The following ARHGAP1 variants were observed in gnomAD, a reference collection of about 807,000 sequenced individuals.
ARHGAP1 encodes the protein Rho GTPase activating protein 1, also known as rho GTPase-activating protein 1.
ARHGAP1 carries 23 observed loss-of-function variants against 52.2 expected under a neutral mutation model. The ratio of observed to expected loss-of-function variants is 0.44; its 90% CI spans 0.32 to 0.62. The LOEUF is 0.62. Among genes scored for constraint, ARHGAP1 ranks in the 20% least tolerant of loss-of-function variants. The pLI is 0.05. For missense variants in ARHGAP1, 480 were observed against 560.9 expected, an observed-to-expected ratio of 0.86 and a Z score of 1.46; for synonymous variants, 210 against 228.4, an observed-to-expected ratio of 0.92 and a Z score of 0.73.
At chr11:46,693,407 CT>C (rs11418068) in intron 3 of ARHGAP1, among the ~76,000 whole-genome samples, 2 of 145,602 alleles carry the variant, frequency 1.4e-5, no homozygotes, top group Admixed American at 6.9e-5. Flanking sequence ...AGACTGTAAT[CT>C]TTTTTTTTTT....
chr11:46,698,555 C>A (rs569736111), intron 1 of ARHGAP1, among the ~76,000 whole-genome samples: 1 of 150,144 alleles, frequency 6.7e-6, no homozygotes, highest in Admixed American at 6.7e-5. Context: ...TTGCAGTGAG[C>A]TGAGATCAAG....
intron 3 of ARHGAP1, 102 bp downstream of exon 3, chr11:46,695,558 A>G: frequency 2.4e-6 from 3 of 1,247,388 alleles, no homozygotes; most frequent in African/African-American, 1.5e-5. Flanking sequence ...CACCAGGGCC[A>G]GCGGTCAGAC....
rs932854280 is a variant in ARHGAP1 at position 46,679,803 on chromosome 11, C to G, written c.899-27G>C. The G allele has an allele frequency of 1.2e-6, 2 of 1,611,822 alleles. No homozygotes were observed. Among genetic ancestry groups the G allele is most frequent in the Non-Finnish European group, 1.7e-6 (2 of 1,179,738 alleles). On this transcript the variant is annotated intron_variant, in intron 10 of 12. Coordinates refer to ENST00000311956, the MANE Select transcript of ARHGAP1 (RefSeq NM_004308.5). This position sits in a 1 kb window ranked among gnomAD's most constrained non-coding sequence, Gnocchi z 4.4. ...TGGGGTGGGGGCAGCGTGAGAGAAG[C>G]TCGGCACAGCCTGAAGGGCAGCACC... is the stretch of plus-strand genomic sequence containing the variant.
intron 4 of ARHGAP1, among the ~76,000 whole-genome samples, chr11:46,683,657 T>TG (rs1189501375): frequency 1.4e-5 from 2 of 147,212 alleles, no homozygotes; most frequent in South Asian, 2.2e-4. Flanking sequence ...TTTTTTTTTT[T>TG]GAGATGGAGT....
In ARHGAP1 at chr11:46,678,213, G is replaced by T; in HGVS notation, c.*824C>A. ...ATGAAGGCTGATGATCTGCCCGTGT[G>T]GGAAAGGAGGCCAAGAGGGGAGAGG... On this transcript the variant is annotated 3_prime_UTR_variant, in exon 13 of 13. Coordinates refer to ENST00000311956, the MANE Select transcript of ARHGAP1 (RefSeq NM_004308.5). The T allele has an allele frequency of 5.5e-6, 1 of 181,000 alleles. No homozygotes were observed. 11.2% of individuals were successfully genotyped at this position (181,000 alleles called of 1,614,324 possible). A position where few individuals can be genotyped will look rare whatever the true frequency, so the allele number is the denominator to read the frequency against.
chr11:46,696,224 G>C lies in ARHGAP1; in HGVS notation c.-49-68C>G. 1.8e-6 allele frequency: 2 copies of C among 1,119,522 alleles called. No individual in the cohort carries two copies. The highest frequency in any genetic ancestry group is 1.5e-5 in the South Asian group (1 of 65,036). 69.3% of individuals were successfully genotyped at this position (1,119,522 alleles called of 1,614,324 possible). A position where few individuals can be genotyped will look rare whatever the true frequency, so the allele number is the denominator to read the frequency against. On this transcript the variant is annotated intron_variant, in intron 1 of 12. Transcript: ENST00000311956. This position sits in a 1 kb window ranked among gnomAD's most constrained non-coding sequence, Gnocchi z 4.8. ...TTTCACCTTCTGCGACCTCCACCGC[G>C]TGCCCTCCTGCCCCCACCATTCCCT... is the stretch of plus-strand genomic sequence containing the variant.
chr11:46,689,093 A>G (rs1214925998), intron 3 of ARHGAP1, among the ~76,000 whole-genome samples: 1 of 151,942 alleles, frequency 6.6e-6, no homozygotes, highest in Non-Finnish European at 1.5e-5. Context: ...AAAAAAAAAA[A>G]AAAAAAGTTA....
intron 3 of ARHGAP1, among the ~76,000 whole-genome samples, chr11:46,693,744 G>T (rs1158657629): frequency 6.6e-6 from 1 of 152,040 alleles, no homozygotes; most frequent in Non-Finnish European, 1.5e-5. Context: ...GGGAGGTAGG[G>T]CTGGGCTGAT....
In ARHGAP1 at chr11:46,696,869, C is replaced by T. The variant is rs2064658871; in HGVS notation, c.-49-713G>A. On this transcript the variant is annotated intron_variant, in intron 1 of 12. Coordinates refer to ENST00000311956, the MANE Select transcript of ARHGAP1 (RefSeq NM_004308.5). This position sits in a 1 kb window ranked among gnomAD's most constrained non-coding sequence, Gnocchi z 4.8. ...TAGGCGACAGGGCAAGACTCCATCC[C>T]AAAAAAATAAAAATAAAAAAATAAA... Among the ~76,000 whole-genome samples the T allele has an allele frequency of 6.6e-6, 1 of 151,820 alleles. No homozygotes were observed. The highest frequency in any genetic ancestry group is 1.5e-5 in the Non-Finnish European group (1 of 67,954).
intron 1 of ARHGAP1, among the ~76,000 whole-genome samples, chr11:46,698,887 C>T (rs2064677280): frequency 6.6e-6 from 1 of 152,146 alleles, no homozygotes; most frequent in Non-Finnish European, 1.5e-5. Flanking sequence ...AACTCCCATT[C>T]AGTGGGAGGG....
At chr11:46,695,154 C>T (rs772192083) in intron 3 of ARHGAP1, 17 of 326,704 alleles carry the variant, frequency 5.2e-5, no homozygotes, top group Non-Finnish European at 9.7e-5. Context: ...GGCTCTGTAC[C>T]CACTCTCAGC....
At chr11:46,683,042 T>TG (rs931392974) in intron 4 of ARHGAP1, among the ~76,000 whole-genome samples, 4 of 147,716 alleles carry the variant, frequency 2.7e-5, no homozygotes, top group African/African-American at 1.0e-4. Context: ...GCCTGCTTTT[T>TG]TTTTTTTTTT....
rs2064532747 is a variant in ARHGAP1, at chr11:46,682,034, C to T, written c.449+17G>A. 12 of 1,613,676 alleles carry T rather than the reference C, an allele frequency of 7.4e-6. No individual in the cohort carries two copies. The highest frequency in any genetic ancestry group is 1.0e-5 in the Non-Finnish European group (12 of 1,179,852). On this transcript the variant is annotated intron_variant, in intron 5 of 12. Transcript: ENST00000311956. Reference sequence around the variant, plus strand: ...TGCCTCTGGATCTGACTGTGCAGGCCCCATGCCCCAACCCACTTGCGGTCA... The same window carrying T: ...TGCCTCTGGATCTGACTGTGCAGGCTCCATGCCCCAACCCACTTGCGGTCA...
intron 4 of ARHGAP1, among the ~76,000 whole-genome samples, chr11:46,684,748 G>T (rs2064554949): frequency 6.6e-6 from 1 of 152,042 alleles, no homozygotes; most frequent in African/African-American, 2.4e-5. Context: ...TTTTTTAGAA[G>T]ATATCTTTGA....
chr11:46,685,159 G>T (rs993589390), intron 4 of ARHGAP1, among the ~76,000 whole-genome samples: 1 of 148,404 alleles, frequency 6.7e-6, no homozygotes, highest in Non-Finnish European at 1.5e-5. Context: ...AATAGGAAAT[G>T]ACTACACAAA....
chr11:46,685,618 C>T (rs559526935), intron 4 of ARHGAP1, among the ~76,000 whole-genome samples: 120 of 151,482 alleles, frequency 7.9e-4, no homozygotes, highest in Non-Finnish European at 1.3e-3. Flanking sequence ...AGCCACCGCG[C>T]CAGGTCATAT....
intron 3 of ARHGAP1, among the ~76,000 whole-genome samples, chr11:46,688,922 A>C (rs1474065931): frequency 6.6e-6 from 1 of 151,906 alleles, no homozygotes; most frequent in Non-Finnish European, 1.5e-5. Flanking sequence ...CATCTCTACC[A>C]AAAATACAAA....
In ARHGAP1 at chr11:46,681,472, G is replaced by T; in HGVS notation, c.450-93C>A. 1.1e-6 allele frequency: 1 copy of T among 914,376 alleles called. No homozygotes were observed. Among genetic ancestry groups the T allele is most frequent in the Non-Finnish European group, 1.8e-6 (1 of 555,870 alleles). The allele number at this position is 914,376 out of a possible 1,614,324, so 56.6% of individuals were successfully genotyped here. On this transcript the variant is annotated intron_variant, in intron 5 of 12. Transcript: ENST00000311956. The surrounding 1 kb of genome is among the most constrained non-coding windows in gnomAD (Gnocchi z 5.7). ...GCATACTTTTTTTTTTTGAGACAGA[G>T]TCTCCTTCACCCAGGCTGGAGTGTG...
chr11:46,680,291 CAGT>C lies in ARHGAP1; in HGVS notation c.821-12_821-10del. ...GCCCTCGGTGGTGAGAGCTGGGAAA[CAGT>C]AGGGCCTGGTGAGCCTCCGAGCGCT... On this transcript the variant is annotated splice_polypyrimidine_tract_variant and intron_variant, in intron 9 of 12. Coordinates refer to ENST00000311956, the MANE Select transcript of ARHGAP1 (RefSeq NM_004308.5). The surrounding 1 kb of genome is among the most constrained non-coding windows in gnomAD (Gnocchi z 5.9). 2 of 1,613,976 alleles carry C rather than the reference CAGT, an allele frequency of 1.2e-6. No individual in the cohort carries two copies. Among genetic ancestry groups the C allele is most frequent in the Non-Finnish European group, 1.7e-6 (2 of 1,179,942 alleles).
Sources: allele counts gnomAD v4.1 joint callset (sites outside exome capture counted in the v4.1 genomes callset), GRCh38; gene constraint gnomAD v4.1.1; non-coding constraint Gnocchi (gnomAD v3.1); transcripts MANE v1.5; gene names NCBI Gene and HGNC (gene_info 2026-07-23, HGNC 2026-07-21).